XIRP2: variants seen among roughly 807,000 people sequenced by gnomAD.
XIRP2 encodes xin actin-binding repeat-containing protein 2.
Under a neutral mutation model 277.0 loss-of-function variants are expected in XIRP2, and 236 were observed. The observed-to-expected ratio is 0.85, with a 90% CI of 0.77 to 0.95. The LOEUF (loss-of-function observed/expected upper bound fraction) is 0.95, where lower values mean the gene tolerates loss of function less well. Among genes scored for constraint, XIRP2 ranks in the 40% least tolerant of loss-of-function variants. The pLI is 0.00. For missense variants in XIRP2, 4,640 were observed against 4,157.5 expected, an observed-to-expected ratio of 1.12 and a Z score of -3.19; for synonymous variants, 1,490 against 1,416.5, an observed-to-expected ratio of 1.05 and a Z score of -1.17.
At chr2:167,029,570 T>C (rs1297665296) in intron 2 of XIRP2, among the ~76,000 whole-genome samples, 1 of 152,076 alleles carries the variant, frequency 6.6e-6, no homozygotes, top group East Asian at 1.9e-4. Flanking sequence ...TTGATTGTGG[T>C]GGATAAGCTT....
In XIRP2 at chr2:167,012,153, A is replaced by C. The variant is rs530452202; in HGVS notation, c.408+108263A>C. On this transcript the variant is annotated intron_variant, in intron 2 of 10. Transcript: ENST00000409195. ...TTCTAGTTCTTTTAATTGTGATGTT[A>C]GGGTGTCAATTTTGGATCTTTCCTG... Among the ~76,000 whole-genome samples the C allele has an allele frequency of 4.1e-4, 62 of 151,864 alleles. No homozygotes were observed. In the East Asian group the frequency reaches 7.8e-3, roughly 19 times the overall value.
chr2:166,956,614 G>A (rs975381250), intron 2 of XIRP2, among the ~76,000 whole-genome samples: 9 of 151,802 alleles, frequency 5.9e-5, no homozygotes, highest in African/African-American at 2.2e-4. Flanking sequence ...AAAAAGTCCA[G>A]GGTTGCTAGT....
intron 2 of XIRP2, among the ~76,000 whole-genome samples, chr2:166,920,244 A>G (rs537418807): frequency 2.0e-5 from 3 of 152,252 alleles, no homozygotes; most frequent in African/African-American, 7.2e-5. Context: ...AATTATTCCC[A>G]TTTAACAGCT....
At chr2:166,925,573 A>ATG (rs975720428) in intron 2 of XIRP2, among the ~76,000 whole-genome samples, 3 of 134,842 alleles carry the variant, frequency 2.2e-5, no homozygotes, top group East Asian at 2.4e-4. Context: ...GTGTGTATGT[A>ATG]TGTGTGTGTG....
chr2:167,156,480 G>T (rs1692201697), intron 3 of XIRP2, among the ~76,000 whole-genome samples: 1 of 149,058 alleles, frequency 6.7e-6, no homozygotes, highest in Non-Finnish European at 1.5e-5. Flanking sequence ...GAACACTTCT[G>T]TAAGATGTAT....
chr2:167,048,906 A>C (rs1688852211), intron 2 of XIRP2, among the ~76,000 whole-genome samples: 2 of 151,870 alleles, frequency 1.3e-5, no homozygotes, highest in African/African-American at 4.8e-5. Flanking sequence ...TTGGTGTGAA[A>C]TTCTGGCTGA....
chr2:167,044,869 A>G (rs780281767), intron 2 of XIRP2, among the ~76,000 whole-genome samples: 20 of 152,094 alleles, frequency 1.3e-4, no homozygotes, highest in Non-Finnish European at 2.1e-4. Flanking sequence ...TCAAACCACC[A>G]ATGTCATTTT....
At chr2:167,028,245 A>G (rs1335291357) in intron 2 of XIRP2, among the ~76,000 whole-genome samples, 2 of 152,092 alleles carry the variant, frequency 1.3e-5, no homozygotes, top group Non-Finnish European at 2.9e-5. Context: ...TCATATGACT[A>G]TTAACCAAAA....
chr2:167,249,199 T>A lies in XIRP2; in HGVS notation c.7807T>A (p.Ser2603Thr). The A allele has an allele frequency of 6.2e-7, 1 of 1,613,706 alleles. No individual in the cohort carries two copies. The highest frequency in any genetic ancestry group is 1.7e-4 in the Middle Eastern group (1 of 6,058). ...NEEVSLSGID[S>T]ECTVVQPSPG... ...GGAGGTTTCCCTATCTGGAATTGAT[T>A]CAGAATGCACTGTGGTTCAACCCAG... Residue 2603 changes from serine to threonine, a missense_variant, in exon 9 of 11, where the codon TCA (serine) becomes ACA (threonine). Coordinates refer to ENST00000409195, the MANE Select transcript of XIRP2 (RefSeq NM_152381.6).
In XIRP2 at chr2:167,244,338, C is replaced by T. The variant is rs760576873; in HGVS notation, c.2946C>T (p.Leu982=). Residue 982 remains leucine (L), a synonymous_variant, in exon 9 of 11, where the codon CTC becomes CTT. Coordinates refer to ENST00000409195, the MANE Select transcript of XIRP2 (RefSeq NM_152381.6). ...TRGAVELNKS[L]FETTPLYAIQ... ...GTGCTGTAGAGTTAAATAAATCTCTCTTCGAGACAACACCACTGTATGCCA... is the reference window on the plus strand; with the variant it reads ...GTGCTGTAGAGTTAAATAAATCTCTTTTCGAGACAACACCACTGTATGCCA... 22 of 1,613,588 alleles carry T rather than the reference C, an allele frequency of 1.4e-5. No individual in the cohort carries two copies. The East Asian group carries it at 3.3e-4, about 25-fold the overall frequency.
chr2:167,082,357 T>C (rs985283816), intron 2 of XIRP2, among the ~76,000 whole-genome samples: 1 of 152,096 alleles, frequency 6.6e-6, no homozygotes, highest in Non-Finnish European at 1.5e-5. Flanking sequence ...GTTGGGCATT[T>C]GGGTTGGTTC....
At chr2:166,908,956 G>A (rs1307040372) in intron 2 of XIRP2, among the ~76,000 whole-genome samples, 1 of 152,092 alleles carries the variant, frequency 6.6e-6, no homozygotes, top group Non-Finnish European at 1.5e-5. Flanking sequence ...TGAGGGCTCT[G>A]TTCTGTTCCA....
rs767054501 is a variant in XIRP2, at chr2:167,244,322, A to G, written c.2930A>G (p.Glu977Gly). The change falls in exon 9 of 11, where the codon GAG becomes GGG. Residue 977 changes from glutamate (E) to glycine (G), a missense_variant. Physicochemically the swap from Glu to Gly is moderately conservative, Grantham distance 98 (BLOSUM62 -2). Coordinates refer to ENST00000409195, the MANE Select transcript of XIRP2 (RefSeq NM_152381.6). ...EVEGVTRGAV[E>G]LNKSLFETTP... ...GAAGGAGTTACAAGAGGTGCTGTAG[A>G]GTTAAATAAATCTCTCTTCGAGACA... is the stretch of plus-strand genomic sequence containing the variant. The G allele has an allele frequency of 2.5e-6, 4 of 1,613,772 alleles. No homozygotes were observed. In the South Asian group the frequency reaches 4.4e-5, roughly 18 times the overall value.
At chr2:166,976,131 T>C (rs969116349) in intron 2 of XIRP2, among the ~76,000 whole-genome samples, 20 of 152,058 alleles carry the variant, frequency 1.3e-4, no homozygotes, top group Admixed American at 5.9e-4. Context: ...TATCTAAATA[T>C]CCAGGTACCC....
chr2:166,909,807 T>C (rs1221503643), intron 2 of XIRP2, among the ~76,000 whole-genome samples: 1 of 151,604 alleles, frequency 6.6e-6, no homozygotes, highest in Non-Finnish European at 1.5e-5. Flanking sequence ...ACCTAGTTTA[T>C]TGATTTAGCA....
At chr2:167,140,999 C>T (rs1357668319) in intron 3 of XIRP2, 7 of 152,096 alleles carry the variant, frequency 4.6e-5, no homozygotes, top group Non-Finnish European at 7.3e-5. Context: ...TGAGGTCGTT[C>T]ACGTGGTAAC....
intron 2 of XIRP2, among the ~76,000 whole-genome samples, chr2:166,950,735 T>C (rs1686004826): frequency 6.6e-6 from 1 of 152,046 alleles, no homozygotes; most frequent in African/African-American, 2.4e-5. Context: ...AGAATGATTT[T>C]CTAAGGCATT....
chr2:167,117,164 T>C (rs1690918901), intron 2 of XIRP2, among the ~76,000 whole-genome samples: 1 of 151,928 alleles, frequency 6.6e-6, no homozygotes, highest in Non-Finnish European at 1.5e-5. Flanking sequence ...TTAGTGATCT[T>C]TGGAAATGGC....
chr2:167,199,150 C>T (rs577297091), intron 3 of XIRP2, among the ~76,000 whole-genome samples: 1 of 152,182 alleles, frequency 6.6e-6, no homozygotes, highest in Non-Finnish European at 1.5e-5. Context: ...ATTTCAGATG[C>T]TAACCTTAAA....
Sources: allele counts gnomAD v4.1 joint callset (sites outside exome capture counted in the v4.1 genomes callset), GRCh38; gene constraint gnomAD v4.1.1; transcripts MANE v1.5; gene names NCBI Gene and HGNC (gene_info 2026-07-23, HGNC 2026-07-21).